PKD1L1: variants seen among roughly 807,000 people sequenced by gnomAD.
PKD1L1 encodes polycystin 1 like 1, transient receptor potential channel interacting, also known as polycystin-1-like protein 1.
A neutral mutation model predicts 323.4 loss-of-function variants in PKD1L1; 236 were observed. The observed-to-expected ratio is 0.73, with a 90% CI of 0.66 to 0.81. The LOEUF is 0.81. Among genes scored for constraint, PKD1L1 ranks in the 40% least tolerant of loss-of-function variants. PKD1L1 has a pLI of 0.00. For missense variants in PKD1L1, 3,320 were observed against 3,508.0 expected, an observed-to-expected ratio of 0.95 and a Z score of 1.35; for synonymous variants, 1,344 against 1,335.0, an observed-to-expected ratio of 1.01 and a Z score of -0.15.
intron 26 of PKD1L1, among the ~76,000 whole-genome samples, chr7:47,859,783 G>A (rs540381142): frequency 5.9e-5 from 9 of 152,094 alleles, no homozygotes; most frequent in African/African-American, 2.2e-4. Flanking sequence ...CCACCACCAT[G>A]CCCAGCTAAT....
intron 41 of PKD1L1, 102 bp from the exon 42 acceptor site, chr7:47,831,454 G>A (rs1785347952): frequency 2.1e-6 from 3 of 1,427,128 alleles, no homozygotes; most frequent in East Asian, 2.3e-5. Flanking sequence ...AGGCTGGGTC[G>A]TAGGGTGCCC....
chr7:47,826,568 T>C (rs1024214311), intron 45 of PKD1L1, among the ~76,000 whole-genome samples: 1 of 152,208 alleles, frequency 6.6e-6, no homozygotes, highest in African/African-American at 2.4e-5. Context: ...CATGCTATTT[T>C]TTAAAAAACT....
intron 2 of PKD1L1, among the ~76,000 whole-genome samples, 198 bp downstream of exon 2, chr7:47,943,186 ATATATATATATG>A (rs1422439710): frequency 9.8e-4 from 88 of 90,016 alleles, no homozygotes; most frequent in East Asian, 6.7e-3. Flanking sequence ...ATATATATAT[ATATATATATATG>A]TGTGTGTACC....
chr7:47,887,803 CTG>C (rs1786716222), intron 17 of PKD1L1, among the ~76,000 whole-genome samples, 185 bp downstream of exon 17: 1 of 152,190 alleles, frequency 6.6e-6, no homozygotes, highest in Admixed American at 6.5e-5. Flanking sequence ...ACCTCTTCTG[CTG>C]GTGCCTCACA....
intron 4 of PKD1L1, 74 bp downstream of exon 4, chr7:47,936,772 G>T: frequency 8.4e-7 from 1 of 1,187,088 alleles, no homozygotes; most frequent in Non-Finnish European, 1.2e-6. Flanking sequence ...TTTCACATCT[G>T]AGCAATTCTT....
In PKD1L1 at chr7:47,788,121, A is replaced by AT. The variant is rs199842282; in HGVS notation, c.8526+4505dup. On this transcript the variant is annotated intron_variant, in intron 56 of 56. Transcript: ENST00000289672. ...GACATTTAACTTGAGCTATATTCCT[A>AT]TTTTTTTTAAAAATATCGATTTCAT... Among the ~76,000 whole-genome samples the AT allele has an allele frequency of 4.3e-3, 658 of 151,648 alleles. 3 individuals are homozygous for AT. The highest frequency in any genetic ancestry group is 0.015 in the African/African-American group (601 of 41,376).
intron 7 of PKD1L1, among the ~76,000 whole-genome samples, chr7:47,917,220 A>C (rs1787447807): frequency 6.6e-6 from 1 of 152,192 alleles, no homozygotes; most frequent in African/African-American, 2.4e-5. Context: ...CAAGTAAAAG[A>C]AAGAAATTCA....
intron 46 of PKD1L1, chr7:47,819,782 C>G (rs544704107): frequency 1.4e-5 from 4 of 278,594 alleles, no homozygotes; most frequent in Non-Finnish European, 2.8e-5. Flanking sequence ...TATCTTGCTG[C>G]GTATGAATAA....
At chr7:47,911,393 A>G (rs910082929) in intron 8 of PKD1L1, among the ~76,000 whole-genome samples, 2 of 152,202 alleles carry the variant, frequency 1.3e-5, no homozygotes, top group South Asian at 4.1e-4. Flanking sequence ...TCTTTTCTTT[A>G]TAAGTTACCT....
At chr7:47,941,089 G>A (rs751882885) in intron 2 of PKD1L1, among the ~76,000 whole-genome samples, 5 of 152,206 alleles carry the variant, frequency 3.3e-5, no homozygotes, top group Admixed American at 1.3e-4. Flanking sequence ...GAAGCCAGGC[G>A]ACTGCCTTGG....
Position 47,791,729 on chromosome 7 carries a change from T to G in PKD1L1, c.8526+898A>C, listed in dbSNP as rs74801588. Among the ~76,000 whole-genome samples the G allele has an allele frequency of 5.1e-4, 78 of 152,330 alleles. No homozygotes were observed. In the East Asian group the frequency reaches 0.013, roughly 24 times the overall value. On this transcript the variant is annotated intron_variant, in intron 56 of 56. Coordinates refer to ENST00000289672, the MANE Select transcript of PKD1L1 (RefSeq NM_138295.5). ...TTGTGAATTAGGGCCCGGGAAGGGC[T>G]GGGGCAGAGAGCTTATAGCAGGTAC...
intron 13 of PKD1L1, among the ~76,000 whole-genome samples, chr7:47,901,622 C>A (rs556850171): frequency 4.3e-4 from 66 of 152,284 alleles, no homozygotes; most frequent in African/African-American, 1.6e-3. Context: ...CGTGGGTGCT[C>A]GCTGGTCTAA....
Position 47,806,561 on chromosome 7 carries a change from C to A in PKD1L1, c.7827+1686G>T, listed in dbSNP as rs114331218. Among the ~76,000 whole-genome samples the A allele has an allele frequency of 6.0e-3, 912 of 152,284 alleles. 6 individuals carry two copies. The highest frequency in any genetic ancestry group is 0.021 in the African/African-American group (876 of 41,564). ...ATTAAGCAGCCAGTCCTCATCGGGC[C>A]CTAATATTGGTACCAGGGGAGCAGT... On this transcript the variant is annotated intron_variant, in intron 52 of 56. Transcript: ENST00000289672.
intron 15 of PKD1L1, among the ~76,000 whole-genome samples, chr7:47,891,108 T>A (rs1786807225): frequency 6.6e-6 from 1 of 152,146 alleles, no homozygotes; most frequent in African/African-American, 2.4e-5. Flanking sequence ...TGTGCTGCCC[T>A]CAAGTATGTC....
intron 55 of PKD1L1, among the ~76,000 whole-genome samples, chr7:47,793,776 C>T (rs1787009573): frequency 6.6e-6 from 1 of 152,130 alleles, no homozygotes; most frequent in Non-Finnish European, 1.5e-5. Context: ...AGTTTGGAAC[C>T]TCCTAGAGAC....
At chr7:47,907,322 T>C (rs1486703108) in intron 9 of PKD1L1, among the ~76,000 whole-genome samples, 2 of 152,306 alleles carry the variant, frequency 1.3e-5, no homozygotes, top group East Asian at 3.9e-4. Flanking sequence ...CCCACCCATG[T>C]AGGCTGGGCA....
chr7:47,789,852 C>T (rs1329479792), intron 56 of PKD1L1, among the ~76,000 whole-genome samples: 2 of 151,822 alleles, frequency 1.3e-5, no homozygotes, highest in Admixed American at 6.6e-5. Flanking sequence ...AAATACTATC[C>T]ATTTTTTCTC....
intron 38 of PKD1L1, 31 bp from the exon 39 acceptor site, chr7:47,835,070 G>A (rs775316324): frequency 1.6e-5 from 26 of 1,611,804 alleles, no homozygotes; most frequent in South Asian, 1.2e-4. Context: ...TTCGCCAAGC[G>A]TGTTCCCCAG....
At chr7:47,955,115 A>G in the PKD1L1 span, among the ~76,000 whole-genome samples, 2 of 152,240 alleles carry the variant, frequency 1.3e-5, no homozygotes, top group Admixed American at 1.3e-4. Context: ...ACTGTTACAG[A>G]CACTGATTGA....
Sources: gnomAD v4.1 joint callset for allele counts (sites outside exome capture counted in the v4.1 genomes callset) on GRCh38, gnomAD v4.1.1 for gene constraint, MANE v1.5 for transcripts, NCBI Gene and HGNC (gene_info 2026-07-23, HGNC 2026-07-21) for gene names.